Variants in CAPN10 observed in about 807,000 individuals in gnomAD.
The protein encoded by CAPN10 is calpain-10.
CAPN10 carries 71 observed loss-of-function variants against 78.4 expected under a neutral mutation model. That is an observed-to-expected ratio of 0.91 (90% CI 0.75 to 1.10). CAPN10 has a LOEUF of 1.10. Among genes scored for constraint, CAPN10 ranks in the 50% least tolerant of loss-of-function variants. The pLI is 0.00. For synonymous variants in CAPN10, 437 were observed against 407.2 expected (o/e 1.07, Z -0.88); for missense variants, 849 against 924.6 (o/e 0.92, Z 1.06).
intron 7 of CAPN10, 171 bp from the exon 8 acceptor site, chr2:240,596,148 G>A: frequency 3.3e-6 from 5 of 1,501,886 alleles, no homozygotes; most frequent in Non-Finnish European, 4.4e-6. Flanking sequence ...TGAAGCCCGG[G>A]ATTGGTGGGC....
At chr2:240,595,816 T>A in intron 7 of CAPN10, 2 of 624,046 alleles carry the variant, frequency 3.2e-6, no homozygotes, top group Non-Finnish European at 5.4e-6. Context: ...GTTCACAAAG[T>A]GTGTTGTTTC....
intron 1 of CAPN10, among the ~76,000 whole-genome samples, chr2:240,587,350 C>A (rs943284095): frequency 4.6e-5 from 7 of 152,234 alleles, no homozygotes; most frequent in African/African-American, 1.7e-4. Flanking sequence ...GCCCCAAACC[C>A]CGCCCCACCT....
At chr2:240,591,319 A>G (rs529324513) in intron 3 of CAPN10, 107 of 349,540 alleles carry the variant, frequency 3.1e-4, no homozygotes, top group Admixed American at 1.6e-3. Flanking sequence ...ATGCTTCTTT[A>G]TATTTGTTGT....
rs199590817 is a variant in CAPN10, at chr2:240,589,304, C to T, written c.142-39C>T. Reference sequence around the variant, plus strand: ...GTTCTTAGTTTGAAGGGTTCCACAGCAGGCATGATCTAACTCTGGACAACT... The same window carrying T: ...GTTCTTAGTTTGAAGGGTTCCACAGTAGGCATGATCTAACTCTGGACAACT... On this transcript the variant is annotated intron_variant, in intron 1 of 11. Transcript: ENST00000391984. 458 of 1,613,792 alleles carry T rather than the reference C, an allele frequency of 2.8e-4. 1 individual carries two copies. The African/African-American group carries it at 3.3e-3, about 12-fold the overall frequency.
chr2:240,591,077 C>A, intron 3 of CAPN10, 66 bp downstream of exon 3: 2 of 1,479,074 alleles, frequency 1.4e-6, no homozygotes, highest in Non-Finnish European at 9.3e-7. Flanking sequence ...CCATGGGCTG[C>A]CCCAGGAGGG....
Position 240,596,408 on chromosome 2 carries a change from C to T in CAPN10, c.1368C>T (p.His456=), listed in dbSNP as rs376384709. The change falls in exon 8 of 12, where the codon CAC becomes CAT. Residue 456 remains histidine, a synonymous_variant. Transcript: ENST00000391984. ...GCCATGCATACGACCGGGAGGTCCA[C>T]CTGCGTTGTGAGCTCTCACCGGGCT... ...TACHAYDREV[H]LRCELSPGYY... is the part of the protein sequence containing the mutation. 6.2e-7 allele frequency: 1 copy of T among 1,613,506 alleles called. No individual in the cohort carries two copies. The highest frequency in any genetic ancestry group is 1.1e-5 in the South Asian group (1 of 91,096).
chr2:240,596,491 G>C lies in CAPN10; in HGVS notation c.1451G>C (p.Arg484Pro). Residue 484 changes from arginine to proline, a missense_variant, in exon 8 of 12, where the codon CGA becomes CCA. Coordinates refer to ENST00000391984, the MANE Select transcript of CAPN10 (RefSeq NM_023083.4). ...LKDAPGEFLL[R>P]VFSTGRVSLS... ...GACGCGCCAGGGGAGTTCCTGCTCC[G>C]AGTCTTCTCTACCGGGCGAGTCTCC... The C allele has an allele frequency of 6.2e-7, 1 of 1,611,300 alleles. No individual in the cohort carries two copies. The highest frequency in any genetic ancestry group is 8.5e-7 in the Non-Finnish European group (1 of 1,178,154).
At chr2:240,590,152 A>G (rs990210458) in intron 2 of CAPN10, 1 of 152,116 alleles carries the variant, frequency 6.6e-6, no homozygotes, top group Non-Finnish European at 1.5e-5. Flanking sequence ...AATCACTGCC[A>G]TTGTGTTTCT....
intron 4 of CAPN10, 41 bp downstream of exon 4, chr2:240,592,191 G>A: frequency 6.7e-7 from 1 of 1,497,098 alleles, no homozygotes; most frequent in African/African-American, 1.4e-5. Flanking sequence ...CAGCCAGCGT[G>A]CCCCCCACTG....
chr2:240,598,759 T>C lies in CAPN10; in HGVS notation c.*79T>C, dbSNP rs2093153733. ...TTCCCAGCAGCTGGGCCGGCCAGCC[T>C]TGCACTGTGGGGGCTGGTCCTGAGT... On this transcript the variant is annotated 3_prime_UTR_variant, in exon 12 of 12. Transcript: ENST00000391984. 2.2e-6 allele frequency: 3 copies of C among 1,350,228 alleles called. No individual in the cohort carries two copies. The highest frequency in any genetic ancestry group is 2.9e-5 in the African/African-American group (2 of 69,412). 83.6% of individuals were successfully genotyped at this position (1,350,228 alleles called of 1,614,324 possible).
In CAPN10 at chr2:240,598,779, C is replaced by T; in HGVS notation, c.*99C>T. 5.0e-6 allele frequency: 6 copies of T among 1,198,246 alleles called. No homozygotes were observed. The highest frequency in any genetic ancestry group is 7.2e-6 in the Non-Finnish European group (6 of 827,702). The allele number at this position is 1,198,246 out of a possible 1,614,324, so 74.2% of individuals were successfully genotyped here. A position where few individuals can be genotyped will look rare whatever the true frequency, so the allele number is the denominator to read the frequency against. On this transcript the variant is annotated 3_prime_UTR_variant, in exon 12 of 12. Transcript: ENST00000391984. ...CAGCCTTGCACTGTGGGGGCTGGTC[C>T]TGAGTCTTGGCCTGCCTCCCAGCCC...
chr2:240,589,598 G>A, intron 2 of CAPN10, 124 bp downstream of exon 2: 4 of 1,250,600 alleles, frequency 3.2e-6, no homozygotes, highest in South Asian at 3.0e-5. Flanking sequence ...CTGCTGTGTT[G>A]GGGGAAGGCA....
At chr2:240,596,121 C>G (rs1305756291) in intron 7 of CAPN10, 198 bp from the exon 8 acceptor site, 32 of 1,524,834 alleles carry the variant, frequency 2.1e-5, no homozygotes, top group Non-Finnish European at 2.7e-5. Flanking sequence ...GGGACAGATA[C>G]TGGCGCCAGG....
At chr2:240,596,008 A>G in intron 7 of CAPN10, 2 of 1,445,164 alleles carry the variant, frequency 1.4e-6, no homozygotes, top group Non-Finnish European at 9.3e-7. Context: ...TTCCTCTTGC[A>G]AAAGAAGTTG....
rs1175724176 is a variant in CAPN10, at chr2:240,596,919, C to G, written c.1720C>G (p.Pro574Ala). ...CCGGCCCAGTGACACCGAGTTCCAC[C>G]CCATCGGCTTCCATATCTTCCAGGC... ...HCRPSDTEFH[P>A]IGFHIFQVPE... The change falls in exon 9 of 12, where the codon CCC becomes GCC. Residue 574 changes from proline (P) to alanine (A), a missense_variant. Physicochemically the swap from Pro to Ala is conservative, Grantham distance 27. Transcript: ENST00000391984. 27 of 1,613,432 alleles carry G rather than the reference C, an allele frequency of 1.7e-5. No individual in the cohort carries two copies. Among genetic ancestry groups the G allele is most frequent in the Non-Finnish European group, 2.2e-5 (26 of 1,180,038 alleles).
Position 240,595,113 on chromosome 2 carries a change from A to C in CAPN10, c.1087A>C (p.Ser363Arg). ...CTGCCGGAACAACAGCGGCTTTCCC[A>C]GCAACCCCAAATTCTGGCTGCGGGT... ...GGCRNNSGFP[S>R]NPKFWLRVSE... The change falls in exon 7 of 12, where the codon AGC becomes CGC. Residue 363 changes from serine to arginine, a missense_variant. Ser to Arg is a moderately radical substitution (Grantham distance 110, BLOSUM62 -1). Coordinates refer to ENST00000391984, the MANE Select transcript of CAPN10 (RefSeq NM_023083.4). 2 of 1,613,922 alleles carry C rather than the reference A, an allele frequency of 1.2e-6. No individual in the cohort carries two copies. Among genetic ancestry groups the C allele is most frequent in the African/African-American group, 2.7e-5 (2 of 75,052 alleles).
chr2:240,597,978 G>A lies in CAPN10; in HGVS notation c.1834G>A (p.Val612Met). The A allele has an allele frequency of 5.0e-6, 8 of 1,613,076 alleles. No individual in the cohort carries two copies. The highest frequency in any genetic ancestry group is 6.8e-6 in the Non-Finnish European group (8 of 1,179,930). The change falls in exon 10 of 12, where the codon GTG becomes ATG. Residue 612 changes from valine (V) to methionine (M), a missense_variant. Transcript: ENST00000391984. Reference protein sequence around the residue: ...SCVPHRYAQEVSRLCLLPAGT... With the variant: ...SCVPHRYAQEMSRLCLLPAGT... Reference sequence around the variant, plus strand: ...CGTGCCACATCGCTACGCCCAGGAGGTGAGCCGGCTCTGCCTCCTGCCTGC... The same window carrying A: ...CGTGCCACATCGCTACGCCCAGGAGATGAGCCGGCTCTGCCTCCTGCCTGC...
intron 10 of CAPN10, 32 bp from the exon 11 acceptor site, chr2:240,598,320 T>G: frequency 6.2e-7 from 1 of 1,612,786 alleles, no homozygotes; most frequent in Non-Finnish European, 8.5e-7. Flanking sequence ...ACAAGTGCAG[T>G]CTGGGAGCGC....
chr2:240,589,001 A>AGTAG (rs35428509), intron 1 of CAPN10, among the ~76,000 whole-genome samples: 1 of 60 alleles, frequency 0.017, no homozygotes, highest in African/African-American at 0.062. Context: ...CTAGAGAAAC[A>AGTAG]GATTTCCAGC....
Sources: gnomAD v4.1 joint callset for allele counts (sites outside exome capture counted in the v4.1 genomes callset) on GRCh38, gnomAD v4.1.1 for gene constraint, MANE v1.5 for transcripts, NCBI Gene and HGNC (gene_info 2026-07-23, HGNC 2026-07-21) for gene names.